The following BMPR1A variants were observed in gnomAD, a reference collection of about 807,000 sequenced individuals.
BMPR1A encodes bone morphogenetic protein receptor type 1A, also known as bone morphogenetic protein receptor type-1A.
Under a neutral mutation model 66.0 loss-of-function variants are expected in BMPR1A, and 7 were observed. The ratio of observed to expected loss-of-function variants is 0.11; its 90% CI spans 0.06 to 0.20. The LOEUF (loss-of-function observed/expected upper bound fraction) is 0.20, where lower values mean the gene tolerates loss of function less well. Among genes scored for constraint, BMPR1A ranks in the 10% least tolerant of loss-of-function variants. BMPR1A has a pLI of 1.00. For synonymous variants in BMPR1A, 200 were observed against 229.7 expected, an observed-to-expected ratio of 0.87 and a Z score of 1.17; for missense variants, 408 against 669.1, an observed-to-expected ratio of 0.61 and a Z score of 4.31.
intron 1 of BMPR1A, among the ~76,000 whole-genome samples, chr10:86,804,209 A>G (rs1841852303): frequency 2.0e-5 from 3 of 152,078 alleles, no homozygotes; most frequent in Non-Finnish European, 2.9e-5. Context: ...GGACTTAGTA[A>G]TATATGGGTT....
intron 1 of BMPR1A, among the ~76,000 whole-genome samples, chr10:86,786,079 T>C (rs1841510700): frequency 6.6e-6 from 1 of 152,200 alleles, no homozygotes; most frequent in Non-Finnish European, 1.5e-5. Flanking sequence ...CTCCTGCCAC[T>C]ACTGCCTGTG....
At chr10:86,855,436 T>C (rs1589748103) in intron 2 of BMPR1A, 2 of 655,354 alleles carry the variant, frequency 3.1e-6, no homozygotes, top group Non-Finnish European at 5.4e-6. Flanking sequence ...ACTTTTCTTA[T>C]GCCTATTAGA....
intron 2 of BMPR1A, among the ~76,000 whole-genome samples, chr10:86,868,831 TGAG>T (rs1842818102): frequency 2.6e-5 from 4 of 151,774 alleles, no homozygotes; most frequent in South Asian, 4.2e-4. Context: ...TCTTGCTGTT[TGAG>T]GAGTTTTAAA....
chr10:86,838,412 A>G (rs1589740276), intron 1 of BMPR1A, among the ~76,000 whole-genome samples: 1 of 152,328 alleles, frequency 6.6e-6, no homozygotes, highest in South Asian at 2.1e-4. Flanking sequence ...TGTTCTAGGT[A>G]GAAGTGTGGC....
chr10:86,821,710 C>A (rs7907083), intron 1 of BMPR1A, among the ~76,000 whole-genome samples: 256 of 152,290 alleles, frequency 1.7e-3, no homozygotes, highest in African/African-American at 5.8e-3. Flanking sequence ...CTCTCTCTTG[C>A]CAAAACGTTG....
intron 2 of BMPR1A, chr10:86,855,821 A>G (rs1842632566): frequency 4.6e-6 from 5 of 1,076,628 alleles, no homozygotes; most frequent in South Asian, 1.6e-5. Flanking sequence ...AATGGAGGAA[A>G]CAAAGTCTTG....
At chr10:86,830,041 C>T (rs907844236) in intron 1 of BMPR1A, among the ~76,000 whole-genome samples, 7 of 151,898 alleles carry the variant, frequency 4.6e-5, no homozygotes, top group Admixed American at 1.3e-4. Flanking sequence ...GGGGAGAGAG[C>T]GTGGCCTCAG....
intron 5 of BMPR1A, among the ~76,000 whole-genome samples, chr10:86,892,674 C>G (rs1355052663): frequency 2.0e-5 from 3 of 152,006 alleles, no homozygotes; most frequent in African/African-American, 7.2e-5. Flanking sequence ...AGCAGTCTGC[C>G]CGCATCGGCC....
chr10:86,876,194 G>A, intron 3 of BMPR1A, 109 bp downstream of exon 3: 2 of 1,060,100 alleles, frequency 1.9e-6, no homozygotes, highest in Non-Finnish European at 2.9e-6. Context: ...CAGCCTACTA[G>A]GGCAGCTTTT....
At chr10:86,819,888 G>A (rs1189688572) in intron 1 of BMPR1A, among the ~76,000 whole-genome samples, 1 of 152,176 alleles carries the variant, frequency 6.6e-6, no homozygotes, top group Non-Finnish European at 1.5e-5. Flanking sequence ...TGTCTGTAAT[G>A]TGAATTGTCC....
At chr10:86,764,215 A>G (rs892991749) in intron 1 of BMPR1A, among the ~76,000 whole-genome samples, 1 of 152,042 alleles carries the variant, frequency 6.6e-6, no homozygotes, top group Admixed American at 6.5e-5. Flanking sequence ...AAATTTGTAT[A>G]TAAGAATGTT....
intron 2 of BMPR1A, among the ~76,000 whole-genome samples, chr10:86,870,896 AT>A (rs1026388712): frequency 1.3e-5 from 2 of 151,858 alleles, no homozygotes; most frequent in Admixed American, 6.6e-5. Flanking sequence ...TTTTGCTATT[AT>A]CCCCTCCAGT....
chr10:86,847,936 T>C lies in BMPR1A; in HGVS notation c.-153+8957T>C, dbSNP rs982064810. ...TTAATATCTTTATAGAAAATGATAC[T>C]TTTTTTTTTTTTTGAGATAGAGTCT... On this transcript the variant is annotated intron_variant, in intron 2 of 12. Transcript: ENST00000372037. Among the ~76,000 whole-genome samples the C allele has an allele frequency of 2.2e-5, 3 of 138,732 alleles. No homozygotes were observed. The Admixed American group carries it at 2.4e-4, about 11-fold the overall frequency. 91.0% of individuals were successfully genotyped at this position (138,732 alleles called of 152,430 possible).
chr10:86,812,727 T>G (rs1841988167), intron 1 of BMPR1A, among the ~76,000 whole-genome samples: 1 of 152,168 alleles, frequency 6.6e-6, no homozygotes, highest in Non-Finnish European at 1.5e-5. Context: ...AATCCACATG[T>G]ACATAGCCTG....
rs558090902 is a variant in BMPR1A, at chr10:86,823,041, G to A, written c.-267-15824G>A. Among the ~76,000 whole-genome samples the A allele has an allele frequency of 9.2e-5, 14 of 152,216 alleles. No homozygotes were observed. The South Asian group carries it at 2.7e-3, about 29-fold the overall frequency. ...TGTATAGAATTTAGCACAGTAACCG[G>A]CACATAGTAAATGTTTGATAAATGG... On this transcript the variant is annotated intron_variant, in intron 1 of 12. Transcript: ENST00000372037.
At chr10:86,827,843 T>G (rs1328987401) in intron 1 of BMPR1A, among the ~76,000 whole-genome samples, 1 of 152,180 alleles carries the variant, frequency 6.6e-6, no homozygotes, top group Non-Finnish European at 1.5e-5. Context: ...CCCTTCTCCT[T>G]AAAGTGGCCT....
At chr10:86,910,171 A>T (rs1474932069) in intron 7 of BMPR1A, among the ~76,000 whole-genome samples, 1 of 150,200 alleles carries the variant, frequency 6.7e-6, no homozygotes, top group Non-Finnish European at 1.5e-5. Context: ...CATCTCTACT[A>T]AAAAAAAATA....
intron 9 of BMPR1A, among the ~76,000 whole-genome samples, chr10:86,918,945 C>T (rs540654084): frequency 3.9e-5 from 6 of 152,206 alleles, no homozygotes; most frequent in African/African-American, 9.6e-5. Context: ...ATCCTATTCA[C>T]TTTCATGATT....
At chr10:86,815,527 T>C (rs1842025607) in intron 1 of BMPR1A, among the ~76,000 whole-genome samples, 1 of 152,150 alleles carries the variant, frequency 6.6e-6, no homozygotes, top group South Asian at 2.1e-4. Context: ...CAATGAAGAC[T>C]TGTTTGTTAT....
Sources: gnomAD v4.1 joint callset for allele counts (sites outside exome capture counted in the v4.1 genomes callset) on GRCh38, gnomAD v4.1.1 for gene constraint, MANE v1.5 for transcripts, NCBI Gene and HGNC (gene_info 2026-07-23, HGNC 2026-07-21) for gene names.